Variants in SLC25A21 observed in about 807,000 individuals in gnomAD.
SLC25A21 encodes mitochondrial 2-oxodicarboxylate carrier.
A neutral mutation model predicts 43.8 loss-of-function variants in SLC25A21; 47 were observed. The observed-to-expected ratio is 1.07, with a 90% CI of 0.85 to 1.37. The LOEUF (loss-of-function observed/expected upper bound fraction) is 1.37, where lower values mean the gene tolerates loss of function less well. Ranked by LOEUF, SLC25A21 falls within the 40% of genes most tolerant of loss-of-function variation. SLC25A21 has a pLI of 0.00. For synonymous variants in SLC25A21, 131 were observed against 121.3 expected (o/e 1.08, Z -0.52); for missense variants, 352 against 350.2 (o/e 1.00, Z -0.04).
At chr14:36,766,477 C>T (rs1347199786) in intron 3 of SLC25A21, among the ~76,000 whole-genome samples, 1 of 152,162 alleles carries the variant, frequency 6.6e-6, no homozygotes, top group Admixed American at 6.5e-5. Context: ...CCTTTGATGG[C>T]TGCCCACTGC....
chr14:37,120,448 C>A (rs1256795541), intron 1 of SLC25A21, among the ~76,000 whole-genome samples: 1 of 152,156 alleles, frequency 6.6e-6, no homozygotes, highest in Non-Finnish European at 1.5e-5. Context: ...TTCATCAATA[C>A]TGCCTTCAGT....
chr14:37,104,438 T>C (rs1002174289), intron 1 of SLC25A21, among the ~76,000 whole-genome samples: 2 of 152,140 alleles, frequency 1.3e-5, no homozygotes, highest in African/African-American at 4.8e-5. Flanking sequence ...CCAACTAAGA[T>C]AGGGAAATAA....
chr14:36,775,241 C>T (rs1381818978), intron 3 of SLC25A21, among the ~76,000 whole-genome samples: 3 of 152,042 alleles, frequency 2.0e-5, no homozygotes, highest in Non-Finnish European at 4.4e-5. Context: ...CTCAGGAAAT[C>T]AATATAGAAA....
intron 2 of SLC25A21, among the ~76,000 whole-genome samples, chr14:36,868,090 G>T (rs848039): frequency 0.86 from 130,475 of 151,896 alleles, 56,739 homozygotes; most frequent in Non-Finnish European, 0.93. Context: ...AAGAAAAGGA[G>T]AGCGGAGAAA....
intron 6 of SLC25A21, among the ~76,000 whole-genome samples, chr14:36,712,247 A>T (rs1594514123): frequency 2.0e-5 from 3 of 151,232 alleles, no homozygotes; most frequent in South Asian, 2.1e-4. Flanking sequence ...ACATGGGTTT[A>T]AAAAAAAATG....
intron 2 of SLC25A21, among the ~76,000 whole-genome samples, chr14:36,848,970 G>A (rs965229937): frequency 6.6e-6 from 1 of 152,118 alleles, no homozygotes; most frequent in Non-Finnish European, 1.5e-5. Flanking sequence ...TGCAGGCCCA[G>A]ATGATTCATG....
At chr14:36,861,292 G>A (rs562067226) in intron 2 of SLC25A21, among the ~76,000 whole-genome samples, 27 of 152,236 alleles carry the variant, frequency 1.8e-4, no homozygotes, top group African/African-American at 6.5e-4. Context: ...TTGATTCACA[G>A]AAAGGAAAAA....
At position 36,764,198 on chromosome 14, in the gene SLC25A21, G is replaced by C. The variant is rs11846032; in HGVS notation, c.204-29625C>G. On this transcript the variant is annotated intron_variant, in intron 3 of 9. Coordinates refer to ENST00000331299, the MANE Select transcript of SLC25A21 (RefSeq NM_030631.4). ...AAAGAAAGAAAGAAAGAAAGAGAAA[G>C]AAAGAAACTGTTAGCTTCCCAGGAC... Among the ~76,000 whole-genome samples the C allele has an allele frequency of 7.6e-4, 103 of 135,606 alleles. 1 individual carries two copies. The highest frequency in any genetic ancestry group is 3.0e-3 in the African/African-American group (92 of 30,908). The allele number at this position is 135,606 out of a possible 152,430, so 89.0% of individuals were successfully genotyped here.
chr14:37,155,768 G>A (rs1234775583), intron 1 of SLC25A21, among the ~76,000 whole-genome samples: 1 of 152,158 alleles, frequency 6.6e-6, no homozygotes, highest in African/African-American at 2.4e-5. Flanking sequence ...ACAAGCAAAT[G>A]CTGAAGGAAT....
chr14:36,677,952 G>GGAA lies in SLC25A21; in HGVS notation c.*2703_*2705dup, dbSNP rs1881980086. On this transcript the variant is annotated 3_prime_UTR_variant, in exon 10 of 10. Coordinates refer to ENST00000331299, the MANE Select transcript of SLC25A21 (RefSeq NM_030631.4). ...TACAGTTTTTAATCCCTTCTGTTTA[G>GGAA]GAAGTTCTTCCTGTTTGGCAATATA... 6.5e-6 allele frequency: 1 copy of GGAA among 152,956 alleles called. No homozygotes were observed. Among genetic ancestry groups the GGAA allele is most frequent in the Non-Finnish European group, 1.5e-5 (1 of 68,544 alleles). The allele number at this position is 152,956 out of a possible 1,614,324, so 9.5% of individuals were successfully genotyped here.
intron 3 of SLC25A21, among the ~76,000 whole-genome samples, chr14:36,798,557 T>G (rs906826929): frequency 2.4e-4 from 30 of 126,402 alleles, no homozygotes; most frequent in Non-Finnish European, 4.6e-4. Flanking sequence ...GAGCTGGGTT[T>G]TTTTTTTTTA....
chr14:36,939,948 C>T (rs7161337), intron 1 of SLC25A21, among the ~76,000 whole-genome samples: 2,719 of 152,246 alleles, frequency 0.018, 71 homozygotes, highest in African/African-American at 0.061. Flanking sequence ...TTCTCCTCCA[C>T]GTCATATTTG....
intron 2 of SLC25A21, among the ~76,000 whole-genome samples, chr14:36,840,403 A>G (rs1211328423): frequency 6.6e-6 from 1 of 152,198 alleles, no homozygotes; most frequent in African/African-American, 2.4e-5. Flanking sequence ...GCAGCAAAAT[A>G]ACTGTTATGT....
At chr14:36,830,243 G>A (rs1012586199) in intron 2 of SLC25A21, among the ~76,000 whole-genome samples, 5 of 152,096 alleles carry the variant, frequency 3.3e-5, no homozygotes, top group Non-Finnish European at 5.9e-5. Context: ...TTTGAAGATC[G>A]TTCATATTTG....
At chr14:36,985,929 T>C (rs2138706122) in intron 1 of SLC25A21, among the ~76,000 whole-genome samples, 1 of 152,284 alleles carries the variant, frequency 6.6e-6, no homozygotes, top group Non-Finnish European at 1.5e-5. Flanking sequence ...CTTCAAATTA[T>C]TTTATATCTT....
chr14:36,988,465 C>A (rs1347496476), intron 1 of SLC25A21, among the ~76,000 whole-genome samples: 1 of 152,208 alleles, frequency 6.6e-6, no homozygotes, highest in East Asian at 1.9e-4. Flanking sequence ...CTTCAAAACA[C>A]CAGCTTTGGG....
At chr14:36,825,272 T>C (rs1164148766) in intron 2 of SLC25A21, among the ~76,000 whole-genome samples, 1 of 148,998 alleles carries the variant, frequency 6.7e-6, no homozygotes, top group Non-Finnish European at 1.5e-5. Flanking sequence ...TCTCTTCCTC[T>C]TTCTCTTTCT....
chr14:36,934,954 A>G (rs1000087280), intron 1 of SLC25A21, among the ~76,000 whole-genome samples: 8 of 152,038 alleles, frequency 5.3e-5, no homozygotes, highest in African/African-American at 1.9e-4. Context: ...CCGCAGAAAG[A>G]AAGAAGAAAA....
intron 1 of SLC25A21, among the ~76,000 whole-genome samples, chr14:37,148,541 G>A (rs541374309): frequency 3.9e-5 from 6 of 152,274 alleles, no homozygotes; most frequent in African/African-American, 7.2e-5. Context: ...AGTATTTGAC[G>A]TCTAAATCAG....
Sources: allele counts gnomAD v4.1 joint callset (sites outside exome capture counted in the v4.1 genomes callset), GRCh38; gene constraint gnomAD v4.1.1; transcripts MANE v1.5; gene names NCBI Gene and HGNC (gene_info 2026-07-23, HGNC 2026-07-21).